CNDP1: variants seen among roughly 807,000 people sequenced by gnomAD.
CNDP1 encodes beta-Ala-His dipeptidase.
In CNDP1, 44 loss-of-function variants were observed where a neutral mutation model predicts 58.1. The ratio of observed to expected loss-of-function variants is 0.76; its 90% CI spans 0.60 to 0.97. CNDP1 has a LOEUF of 0.97. Among genes scored for constraint, CNDP1 ranks in the 50% least tolerant of loss-of-function variants. The pLI is 0.00. For synonymous variants in CNDP1, 254 were observed against 252.6 expected (o/e 1.01, Z -0.05); for missense variants, 616 against 655.1 (o/e 0.94, Z 0.65).
intron 8 of CNDP1, 164 bp from the exon 9 acceptor site, chr18:74,577,999 G>A: frequency 1.7e-6 from 1 of 588,980 alleles, no homozygotes; most frequent in South Asian, 2.2e-5. Context: ...ACAGCAGAGA[G>A]TTTGTGTCCT....
chr18:74,552,066 C>T (rs1980925941), intron 1 of CNDP1, among the ~76,000 whole-genome samples: 1 of 152,208 alleles, frequency 6.6e-6, no homozygotes, highest in African/African-American at 2.4e-5. Flanking sequence ...GGCTAAGTCC[C>T]ACAGAGCTGG....
At chr18:74,575,067 A>AGAAAGAAGGAAAGAAAG (rs1981591834) in intron 7 of CNDP1, among the ~76,000 whole-genome samples, 1 of 122,416 alleles carries the variant, frequency 8.2e-6, no homozygotes, top group African/African-American at 3.2e-5. Context: ...GAAAGAAGAA[A>AGAAAGAAGGAAAGAAAG]GAAGGAAGGA....
chr18:74,578,605 T>C (rs1006428257), intron 9 of CNDP1, among the ~76,000 whole-genome samples: 2 of 152,138 alleles, frequency 1.3e-5, no homozygotes, highest in Admixed American at 6.5e-5. Context: ...CCAGCCTGGG[T>C]GACAGAGCAA....
At chr18:74,556,604 G>A in intron 2 of CNDP1, 138 bp downstream of exon 2, 1 of 963,044 alleles carries the variant, frequency 1.0e-6, no homozygotes, top group African/African-American at 1.6e-5. Flanking sequence ...TGCTCATTGG[G>A]TTAAAAATCT....
chr18:74,558,136 C>A (rs1304094147), intron 2 of CNDP1, among the ~76,000 whole-genome samples: 2 of 152,182 alleles, frequency 1.3e-5, no homozygotes, highest in African/African-American at 4.8e-5. Context: ...AGCTCTACAA[C>A]CAGAATAGAG....
chr18:74,561,251 C>A, intron 4 of CNDP1: 2 of 423,202 alleles, frequency 4.7e-6, no homozygotes, highest in Non-Finnish European at 4.3e-6. Flanking sequence ...CCTCTCTCTA[C>A]TAAAAATACA....
intron 7 of CNDP1, among the ~76,000 whole-genome samples, chr18:74,575,554 C>G (rs1159009623): frequency 6.6e-6 from 1 of 152,140 alleles, no homozygotes; most frequent in Non-Finnish European, 1.5e-5. Flanking sequence ...ACATCTGCTG[C>G]TCTTATGGAT....
intron 1 of CNDP1, among the ~76,000 whole-genome samples, chr18:74,544,717 CAAAAAAAAAAA>C (rs10562152): frequency 0.022 from 1,423 of 63,984 alleles, 36 homozygotes; most frequent in African/African-American, 0.08. Flanking sequence ...GGTTCTGTCT[CAAAAAAAAAAA>C]AAAAAAAAAA....
intron 10 of CNDP1, 46 bp downstream of exon 10, chr18:74,580,317 AG>A (rs777761912): frequency 2.7e-5 from 43 of 1,601,968 alleles, no homozygotes; most frequent in Non-Finnish European, 3.7e-5. Context: ...ACTGGGACTC[AG>A]GGGTGGTACC....
At chr18:74,554,806 G>T (rs541333039) in intron 1 of CNDP1, among the ~76,000 whole-genome samples, 10 of 152,288 alleles carry the variant, frequency 6.6e-5, no homozygotes, top group Non-Finnish European at 1.2e-4. Context: ...CTTGCGATCT[G>T]CCCCACCTTT....
intron 9 of CNDP1, 27 bp downstream of exon 9, chr18:74,578,354 C>A (rs377141395): frequency 7.6e-6 from 12 of 1,582,966 alleles, no homozygotes; most frequent in Non-Finnish European, 1.0e-5. Flanking sequence ...GTGACAATAA[C>A]ATGTTTCAGT....
chr18:74,583,816 TC>T, intron 11 of CNDP1, 108 bp downstream of exon 11: 2 of 1,125,516 alleles, frequency 1.8e-6, no homozygotes, highest in South Asian at 1.4e-5. Context: ...TGGAAAATCG[TC>T]CAGACTGGGA....
In CNDP1 at chr18:74,579,984, C is replaced by T. The variant is rs980014482; in HGVS notation, c.1168-146C>T. 1.0e-5 allele frequency: 7 copies of T among 703,276 alleles called. No homozygotes were observed. The African/African-American group carries it at 1.1e-4, about 11-fold the overall frequency. The allele number at this position is 703,276 out of a possible 1,614,324, so 43.6% of individuals were successfully genotyped here. A position where few individuals can be genotyped will look rare whatever the true frequency, so the allele number is the denominator to read the frequency against. ...GCAGAGTGAAGGGAAAATCACAACA[C>T]TTGCGTGTGTCAGGCTGGGGCTTCA... On this transcript the variant is annotated intron_variant, in intron 9 of 11. Transcript: ENST00000358821.
At chr18:74,559,255 C>T in intron 2 of CNDP1, 68 bp from the exon 3 acceptor site, 10 of 1,539,294 alleles carry the variant, frequency 6.5e-6, no homozygotes, top group Non-Finnish European at 9.0e-6. Flanking sequence ...CTCCTGCCCT[C>T]CCTTCGCTCC....
In CNDP1 at chr18:74,562,040, T is replaced by C. The variant is rs987005192; in HGVS notation, c.467-7T>C. On this transcript the variant is annotated splice_region_variant and splice_polypyrimidine_tract_variant and intron_variant, in intron 4 of 11. Transcript: ENST00000358821. ...CTTCTCTGAACATTCTTCTCCCCTTTTTAAAGGGAAACTTTATGGACGAGG... is the reference window on the plus strand; with the variant it reads ...CTTCTCTGAACATTCTTCTCCCCTTCTTAAAGGGAAACTTTATGGACGAGG... 3 of 1,613,630 alleles carry C rather than the reference T, an allele frequency of 1.9e-6. No individual in the cohort carries two copies. The highest frequency in any genetic ancestry group is 1.7e-5 in the Admixed American group (1 of 59,994).
At chr18:74,555,034 A>G (rs1433675489) in intron 1 of CNDP1, among the ~76,000 whole-genome samples, 1 of 152,144 alleles carries the variant, frequency 6.6e-6, no homozygotes, top group East Asian at 1.9e-4. Context: ...GATGGCACTG[A>G]GACTTCACCA....
At chr18:74,548,612 A>T (rs1484447294) in intron 1 of CNDP1, among the ~76,000 whole-genome samples, 2 of 152,260 alleles carry the variant, frequency 1.3e-5, no homozygotes, top group African/African-American at 4.8e-5. Context: ...CGCTATAAAG[A>T]TACCTGAAAA....
intron 1 of CNDP1, among the ~76,000 whole-genome samples, chr18:74,551,361 AACAC>A (rs74178982): frequency 1.5e-3 from 215 of 148,074 alleles, no homozygotes; most frequent in African/African-American, 4.1e-3. Flanking sequence ...GCACAACTGT[AACAC>A]ACACACACAC....
chr18:74,541,003 T>C (rs749955375), intron 1 of CNDP1, among the ~76,000 whole-genome samples: 16 of 152,234 alleles, frequency 1.1e-4, no homozygotes, highest in Non-Finnish European at 2.4e-4. Context: ...CACAGACTGC[T>C]ATAGACATTA....
Sources: allele counts gnomAD v4.1 joint callset (sites outside exome capture counted in the v4.1 genomes callset), GRCh38; gene constraint gnomAD v4.1.1; transcripts MANE v1.5; gene names NCBI Gene and HGNC (gene_info 2026-07-23, HGNC 2026-07-21).